Variants in ALMS1 observed in about 807,000 individuals in gnomAD.
The protein encoded by ALMS1 is ALMS1 centrosome and basal body associated protein, also known as centrosome-associated protein ALMS1.
In ALMS1, 271 loss-of-function variants were observed where a neutral mutation model predicts 352.2. The ratio of observed to expected loss-of-function variants is 0.77; its 90% CI spans 0.70 to 0.85. The LOEUF is 0.85. Among genes scored for constraint, ALMS1 ranks in the 40% least tolerant of loss-of-function variants. The pLI is 0.00. For synonymous variants in ALMS1, 1,865 were observed against 1,761.2 expected, an observed-to-expected ratio of 1.06 and a Z score of -1.48; for missense variants, 5,445 against 4,870.7, an observed-to-expected ratio of 1.12 and a Z score of -3.51.
chr2:73,411,960 C>T (rs1267517626), intron 2 of ALMS1, among the ~76,000 whole-genome samples: 2 of 152,174 alleles, frequency 1.3e-5, no homozygotes, highest in South Asian at 2.1e-4. Flanking sequence ...TCTTCCCTTC[C>T]GGCTACTGCT....
intron 9 of ALMS1, among the ~76,000 whole-genome samples, chr2:73,464,510 G>A (rs1672285025): frequency 1.3e-5 from 2 of 152,180 alleles, no homozygotes. Context: ...GCAAAAACTG[G>A]AAGCATTCCC....
At chr2:73,569,478 C>T (rs964427595) in intron 15 of ALMS1, among the ~76,000 whole-genome samples, 1 of 152,040 alleles carries the variant, frequency 6.6e-6, no homozygotes, top group African/African-American at 2.4e-5. Flanking sequence ...TCTAGATAGG[C>T]CTTCAAATTT....
intron 16 of ALMS1, among the ~76,000 whole-genome samples, chr2:73,580,746 A>G (rs188138549): frequency 3.3e-5 from 5 of 152,312 alleles, no homozygotes; most frequent in Admixed American, 3.3e-4. Flanking sequence ...GTTGTAAGTT[A>G]AAGTTGTTGG....
In ALMS1 at chr2:73,424,795, A is replaced by T. The variant is rs1006337554; in HGVS notation, c.1130A>T (p.Asp377Val). The T allele has an allele frequency of 4.3e-6, 7 of 1,612,812 alleles. No homozygotes were observed. Among genetic ancestry groups the T allele is most frequent in the Non-Finnish European group, 5.9e-6 (7 of 1,179,060 alleles). The stretch of plus-strand genomic sequence containing the variant: ...GTTGCAACTTCATTTGACATAACTG[A>T]TGAAAACATAGCTACTAAAAGAAGT... Reference protein sequence around the residue: ...VSVATSFDITDENIATKRSDH... With the variant: ...VSVATSFDITVENIATKRSDH... The change falls in exon 5 of 23, where the codon GAT becomes GTT. Residue 377 changes from aspartate (D) to valine (V), a missense_variant. Asp to Val is a radical substitution (Grantham distance 152). Coordinates refer to ENST00000613296, the MANE Select transcript of ALMS1 (RefSeq NM_001378454.1).
intron 16 of ALMS1, among the ~76,000 whole-genome samples, chr2:73,575,883 C>T (rs1326063204): frequency 6.6e-6 from 1 of 151,706 alleles, no homozygotes; most frequent in East Asian, 1.9e-4. Flanking sequence ...CTTTTGGTGT[C>T]ATATCTTAGA....
At chr2:73,515,706 A>G (rs1673540744) in intron 10 of ALMS1, among the ~76,000 whole-genome samples, 1 of 151,926 alleles carries the variant, frequency 6.6e-6, no homozygotes, top group Admixed American at 6.6e-5. Context: ...TAAAGAAAAA[A>G]GAAGACAAAA....
chr2:73,414,484 T>TTTTG (rs1553399408), intron 2 of ALMS1, among the ~76,000 whole-genome samples: 1,351 of 90,392 alleles, frequency 0.015, 24 homozygotes, highest in African/African-American at 0.039. Context: ...TTTTTTTTTT[T>TTTTG]TTTTGTTTTT....
chr2:73,488,774 A>G (rs1468631372), intron 9 of ALMS1, among the ~76,000 whole-genome samples: 2 of 152,236 alleles, frequency 1.3e-5, no homozygotes, highest in Admixed American at 6.5e-5. Flanking sequence ...ATATCATCAA[A>G]TAGAATGCCA....
At chr2:73,438,909 TTC>T (rs1237005835) in intron 7 of ALMS1, among the ~76,000 whole-genome samples, 1 of 152,190 alleles carries the variant, frequency 6.6e-6, no homozygotes, top group Non-Finnish European at 1.5e-5. Context: ...TATGTAAGAA[TTC>T]TCTTTGTCCC....
Position 73,573,089 on chromosome 2 carries a change from C to T in ALMS1, c.11212C>T (p.Arg3738Trp), listed in dbSNP as rs372099986. The stretch of plus-strand genomic sequence containing the variant: ...TATAAGCAACACTTCTTCGGATTGT[C>T]GGCCCTCAGAGGAGAGTGAGCTGCT... The part of the protein sequence containing the change: ...NYISNTSSDC[R>W]PSEESELLTD... Residue 3738 changes from arginine to tryptophan, a missense_variant, in exon 16 of 23, where the codon CGG becomes TGG. Transcript: ENST00000613296. 8 of 1,613,968 alleles carry T rather than the reference C, an allele frequency of 5.0e-6. No individual in the cohort carries two copies. Among genetic ancestry groups the T allele is most frequent in the South Asian group, 3.3e-5 (3 of 91,070 alleles).
chr2:73,488,131 C>G (rs551004067), intron 9 of ALMS1, among the ~76,000 whole-genome samples: 18 of 152,300 alleles, frequency 1.2e-4, no homozygotes, highest in African/African-American at 4.3e-4. Flanking sequence ...CCTTTCTGCC[C>G]AGGAGCCTGT....
chr2:73,590,677 C>CTTTTTTTT (rs35264211), intron 16 of ALMS1, among the ~76,000 whole-genome samples: 3 of 108,444 alleles, frequency 2.8e-5, no homozygotes, highest in Non-Finnish European at 3.8e-5. Context: ...TGTTTTATTA[C>CTTTTTTTT]TTTTTTTTTT....
intron 10 of ALMS1, among the ~76,000 whole-genome samples, chr2:73,514,133 T>C (rs1673508468): frequency 6.6e-6 from 1 of 152,208 alleles, no homozygotes; most frequent in Admixed American, 6.5e-5. Context: ...GCATCACTTG[T>C]CAATGTCATA....
intron 1 of ALMS1, among the ~76,000 whole-genome samples, chr2:73,400,058 C>T (rs928182771): frequency 3.9e-5 from 6 of 151,932 alleles, no homozygotes; most frequent in African/African-American, 1.2e-4. Context: ...CTACTTCACC[C>T]TCCTGAGTAA....
rs1186167078 is a variant in ALMS1, at chr2:73,573,120, A to G, written c.11243A>G (p.Asp3748Gly). The G allele has an allele frequency of 5.0e-6, 8 of 1,614,066 alleles. No homozygotes were observed. The East Asian group carries it at 1.8e-4, about 36-fold the overall frequency. The change falls in exon 16 of 23, where the codon GAT becomes GGT. Residue 3748 changes from aspartate to glycine, a missense_variant. By Grantham distance (94) the Asp-to-Gly change is moderately conservative. Coordinates refer to ENST00000613296, the MANE Select transcript of ALMS1 (RefSeq NM_001378454.1). ...RPSEESELLT[D>G]TTTNILSGTT... ...TCAGAGGAGAGTGAGCTGCTCACAG[A>G]TACTACCACCAACATCCTTTCCGGC... is the stretch of plus-strand genomic sequence containing the variant.
chr2:73,505,755 AATG>A (rs1367804186), intron 10 of ALMS1, among the ~76,000 whole-genome samples: 1 of 152,070 alleles, frequency 6.6e-6, no homozygotes, highest in East Asian at 1.9e-4. Flanking sequence ...TGTTTACTCT[AATG>A]ATAGTTTCTT....
intron 10 of ALMS1, among the ~76,000 whole-genome samples, chr2:73,497,884 G>A (rs1486701772): frequency 2.0e-5 from 3 of 151,780 alleles, no homozygotes; most frequent in East Asian, 1.9e-4. Context: ...CTTTTTCTAG[G>A]TATAGATTTC....
intron 9 of ALMS1, among the ~76,000 whole-genome samples, chr2:73,479,022 T>C (rs889377536): frequency 6.6e-6 from 1 of 152,194 alleles, no homozygotes. Context: ...CATGGTCTTA[T>C]TCTTTTTTAT....
At chr2:73,480,182 T>C (rs941562677) in intron 9 of ALMS1, among the ~76,000 whole-genome samples, 8 of 152,012 alleles carry the variant, frequency 5.3e-5, no homozygotes, top group South Asian at 2.1e-4. Flanking sequence ...CCCACTAACT[T>C]GTCATCTAGC....
Sources: allele counts gnomAD v4.1 joint callset (sites outside exome capture counted in the v4.1 genomes callset), GRCh38; gene constraint gnomAD v4.1.1; transcripts MANE v1.5; gene names NCBI Gene and HGNC (gene_info 2026-07-23, HGNC 2026-07-21).